The following DPYSL2 variants were observed in gnomAD, a reference collection of about 807,000 sequenced individuals.
DPYSL2 encodes the protein dihydropyrimidinase-related protein 2.
DPYSL2 carries 13 observed loss-of-function variants against 69.9 expected under a neutral mutation model. That is an observed-to-expected ratio of 0.19 (90% confidence interval 0.12 to 0.30). DPYSL2 has a LOEUF of 0.30. Ranked by LOEUF, DPYSL2 falls within the 10% of genes least tolerant of loss-of-function variation. The pLI is 1.00. For missense variants in DPYSL2, 587 were observed against 918.9 expected (o/e 0.64, Z 4.67); for synonymous variants, 326 against 359.1 (o/e 0.91, Z 1.04).
chr8:26,599,562 C>T (rs1353147756), intron 3 of DPYSL2, among the ~76,000 whole-genome samples: 3 of 145,892 alleles, frequency 2.1e-5, no homozygotes, highest in Admixed American at 1.4e-4. Context: ...CTCCACTCCT[C>T]TCCCCTCTTT....
intron 1 of DPYSL2, among the ~76,000 whole-genome samples, chr8:26,528,113 C>G (rs1161523483): frequency 1.3e-5 from 2 of 152,112 alleles, no homozygotes; most frequent in African/African-American, 4.8e-5. Context: ...CATTTTGACC[C>G]AGATTTGTGA....
rs73567693 is a variant in DPYSL2 at position 26,642,070 on chromosome 8, G to A, written c.1127-1369G>A. Reference sequence around the variant, plus strand: ...TTGTTGTGGGGTGGGAGTTAGCCCTGTGCTGGGGGGAGCTAGTGAGAGATG... The same window carrying A: ...TTGTTGTGGGGTGGGAGTTAGCCCTATGCTGGGGGGAGCTAGTGAGAGATG... On this transcript the variant is annotated intron_variant, in intron 8 of 13. Coordinates refer to ENST00000521913, the MANE Select transcript of DPYSL2 (RefSeq NM_001197293.3). This position sits in a 1 kb window ranked among gnomAD's most constrained non-coding sequence, Gnocchi z 5.3. Among the ~76,000 whole-genome samples, 960 of 152,360 alleles carry A rather than the reference G, an allele frequency of 6.3e-3. 11 individuals are homozygous for A. The highest frequency in any genetic ancestry group is 0.022 in the African/African-American group (927 of 41,572).
intron 1 of DPYSL2, among the ~76,000 whole-genome samples, chr8:26,551,606 A>G (rs1466274826): frequency 1.3e-5 from 2 of 152,176 alleles, no homozygotes; most frequent in African/African-American, 4.8e-5. Flanking sequence ...TATATTATAC[A>G]TCACCCAGCA....
rs1259488406 is a variant in DPYSL2, at chr8:26,647,514, A to G, written c.1426-116A>G. On this transcript the variant is annotated intron_variant, in intron 10 of 13. Transcript: ENST00000521913. The surrounding 1 kb of genome is among the most constrained non-coding windows in gnomAD (Gnocchi z 5.1). ...GACGGTTTGTGTTTCACTTGGCACAACGCTCTTGACATCCATCTAAGCTGT... is the reference window on the plus strand; with the variant it reads ...GACGGTTTGTGTTTCACTTGGCACAGCGCTCTTGACATCCATCTAAGCTGT... 5.3e-6 allele frequency: 6 copies of G among 1,134,410 alleles called. No homozygotes were observed. Among genetic ancestry groups the G allele is most frequent in the East Asian group, 2.4e-5 (1 of 41,478 alleles). The allele number at this position is 1,134,410 out of a possible 1,614,324, so 70.3% of individuals were successfully genotyped here.
At position 26,656,346 on chromosome 8, in the gene DPYSL2, G is replaced by T. The variant is rs1252032585; in HGVS notation, c.*640G>T. 2 of 152,378 alleles carry T rather than the reference G, an allele frequency of 1.3e-5. No individual in the cohort carries two copies. The highest frequency in any genetic ancestry group is 2.9e-5 in the Non-Finnish European group (2 of 67,992). The allele number at this position is 152,378 out of a possible 1,614,324, so 9.4% of individuals were successfully genotyped here. On this transcript the variant is annotated 3_prime_UTR_variant, in exon 14 of 14. Coordinates refer to ENST00000521913, the MANE Select transcript of DPYSL2 (RefSeq NM_001197293.3). ...AGGCTCCACAATGCCCACCCGCATCGCCATTCTGTAGTCTTCAGGGTCAGC... is the reference window on the plus strand; with the variant it reads ...AGGCTCCACAATGCCCACCCGCATCTCCATTCTGTAGTCTTCAGGGTCAGC...
At chr8:26,524,571 G>T (rs549888320) in intron 1 of DPYSL2, among the ~76,000 whole-genome samples, 14 of 152,132 alleles carry the variant, frequency 9.2e-5, no homozygotes, top group African/African-American at 3.4e-4. Flanking sequence ...GTCAAGGTGG[G>T]CGGATCACCT....
intron 7 of DPYSL2, among the ~76,000 whole-genome samples, chr8:26,630,933 C>T (rs986424738): frequency 6.6e-6 from 1 of 152,194 alleles, no homozygotes; most frequent in East Asian, 1.9e-4. Flanking sequence ...AGTCCCTCTG[C>T]CTGCCATGTA....
chr8:26,537,635 A>ACACACACACACACACAC (rs1242479473), intron 1 of DPYSL2, among the ~76,000 whole-genome samples: 1 of 24,516 alleles, frequency 4.1e-5, no homozygotes, highest in Non-Finnish European at 1.4e-4. Context: ...CACACACACA[A>ACACACACACACACACAC]CTGTATATTT....
At chr8:26,541,934 C>T (rs1446743714) in intron 1 of DPYSL2, among the ~76,000 whole-genome samples, 1 of 152,188 alleles carries the variant, frequency 6.6e-6, no homozygotes, top group Non-Finnish European at 1.5e-5. Flanking sequence ...GGTAAATCCT[C>T]ATTAATAATT....
At chr8:26,568,389 C>T (rs1801185260) in intron 1 of DPYSL2, among the ~76,000 whole-genome samples, 1 of 152,214 alleles carries the variant, frequency 6.6e-6, no homozygotes, top group South Asian at 2.1e-4. Flanking sequence ...AACTTGTAAA[C>T]ATCTCCTGAT....
chr8:26,627,970 T>A lies in DPYSL2; in HGVS notation c.1005+30T>A, dbSNP rs778008664. The A allele has an allele frequency of 4.4e-6, 7 of 1,608,164 alleles. No individual in the cohort carries two copies. Among genetic ancestry groups the A allele is most frequent in the Non-Finnish European group, 5.9e-6 (7 of 1,177,684 alleles). On this transcript the variant is annotated intron_variant, in intron 7 of 13. Transcript: ENST00000521913. The surrounding 1 kb of genome is among the most constrained non-coding windows in gnomAD (Gnocchi z 6.9). ...ATGTTCACCAAGCGGAATGCGTGAA[T>A]CAGTGTCCCTTGGGCACTGTGCAGA...
rs1183879455 is a variant in DPYSL2 at position 26,588,352 on chromosome 8, C to T, written c.628+4369C>T. On this transcript the variant is annotated intron_variant, in intron 3 of 13. Coordinates refer to ENST00000521913, the MANE Select transcript of DPYSL2 (RefSeq NM_001197293.3). This position sits in a 1 kb window ranked among gnomAD's most constrained non-coding sequence, Gnocchi z 5.4. The stretch of plus-strand genomic sequence containing the variant: ...ATTACACTTCCTGGGTCCCACCTTA[C>T]CTGGTTAAAGTAGCAAATCTGCTGG... Among the ~76,000 whole-genome samples the T allele has an allele frequency of 8.5e-5, 13 of 152,184 alleles. No individual in the cohort carries two copies.
At chr8:26,630,219 A>G (rs1802737076) in intron 7 of DPYSL2, among the ~76,000 whole-genome samples, 1 of 152,132 alleles carries the variant, frequency 6.6e-6, no homozygotes, top group Non-Finnish European at 1.5e-5. Context: ...CTTTGCAGAC[A>G]CCGCAAGGGT....
intron 11 of DPYSL2, among the ~76,000 whole-genome samples, chr8:26,649,284 A>G (rs1309416128): frequency 6.6e-6 from 1 of 152,238 alleles, no homozygotes; most frequent in Non-Finnish European, 1.5e-5. Flanking sequence ...CCTCTTGGTC[A>G]GGCTTAGACG....
intron 1 of DPYSL2, among the ~76,000 whole-genome samples, chr8:26,531,632 A>T (rs1034028231): frequency 2.0e-5 from 3 of 152,234 alleles, no homozygotes; most frequent in African/African-American, 7.2e-5. Flanking sequence ...GTTCCACAGC[A>T]TTGTTCACAC....
At chr8:26,595,602 G>A (rs1474753009) in intron 3 of DPYSL2, among the ~76,000 whole-genome samples, 2 of 152,150 alleles carry the variant, frequency 1.3e-5, no homozygotes, top group African/African-American at 2.4e-5. Context: ...CCTCTTCCCC[G>A]CTGCCTTGCA....
chr8:26,598,624 T>C lies in DPYSL2; in HGVS notation c.628+14641T>C, dbSNP rs547676030. On this transcript the variant is annotated intron_variant, in intron 3 of 13. Coordinates refer to ENST00000521913, the MANE Select transcript of DPYSL2 (RefSeq NM_001197293.3). This position sits in a 1 kb window ranked among gnomAD's most constrained non-coding sequence, Gnocchi z 4.2. Reference sequence around the variant, plus strand: ...CTGCTTACGGGAGATTTGAGGCATTTGATCATTTTTTCCCGTTAGCTTACA... The same window carrying C: ...CTGCTTACGGGAGATTTGAGGCATTCGATCATTTTTTCCCGTTAGCTTACA... 1.4e-4 allele frequency among the ~76,000 whole-genome samples: 21 copies of C among 152,304 alleles called. No homozygotes were observed. In the South Asian group the frequency reaches 3.7e-3, roughly 27 times the overall value.
chr8:26,581,325 GT>G, intron 1 of DPYSL2, among the ~76,000 whole-genome samples: 1 of 149,756 alleles, frequency 6.7e-6, no homozygotes, highest in Non-Finnish European at 1.5e-5. Context: ...GTTGTTGTTT[GT>G]TTGTTTTTAA....
chr8:26,651,616 A>T (rs1045701843), intron 11 of DPYSL2, among the ~76,000 whole-genome samples: 1 of 152,194 alleles, frequency 6.6e-6, no homozygotes, highest in Non-Finnish European at 1.5e-5. Flanking sequence ...ACTCACATCC[A>T]TATGGAGACC....
Sources: gnomAD v4.1 joint callset for allele counts (sites outside exome capture counted in the v4.1 genomes callset) on GRCh38, gnomAD v4.1.1 for gene constraint, Gnocchi (gnomAD v3.1) non-coding constraint, MANE v1.5 for transcripts, NCBI Gene and HGNC (gene_info 2026-07-23, HGNC 2026-07-21) for gene names.